MAF: variants seen among roughly 807,000 people sequenced by gnomAD.
MAF encodes the protein MAF bZIP transcription factor, also known as transcription factor Maf.
Under a neutral mutation model 22.0 loss-of-function variants are expected in MAF, and 10 were observed. That is an observed-to-expected ratio of 0.45 (90% CI 0.28 to 0.77). The LOEUF (loss-of-function observed/expected upper bound fraction) is 0.77. MAF is among the 30% of genes least tolerant of loss of function. The pLI is 0.12. For synonymous variants in MAF, 337 were observed against 255.8 expected (o/e 1.32, Z -3.03); for missense variants, 544 against 548.4 (o/e 0.99, Z 0.08).
the MAF span, among the ~76,000 whole-genome samples, chr16:79,329,168 A>G: frequency 1.3e-5 from 2 of 151,932 alleles, no homozygotes; most frequent in African/African-American, 2.4e-5. Flanking sequence ...ACCAGGGCAC[A>G]TTAGGTTAAA....
the MAF span, among the ~76,000 whole-genome samples, chr16:79,335,881 G>A: frequency 1.3e-5 from 2 of 152,188 alleles, no homozygotes; most frequent in Non-Finnish European, 1.5e-5. Context: ...CGGTGAGGTT[G>A]GACCTGCCAG....
the MAF span, among the ~76,000 whole-genome samples, chr16:79,552,258 G>A: frequency 0.031 from 4,657 of 151,784 alleles, 117 homozygotes; most frequent in Middle Eastern, 0.082. Context: ...GTGTCACCCA[G>A]ATTGGAGTGC....
the MAF span, among the ~76,000 whole-genome samples, chr16:79,299,534 A>G: frequency 5.9e-5 from 9 of 152,218 alleles, no homozygotes; most frequent in African/African-American, 1.9e-4. Context: ...GGGAAACTCA[A>G]TTGACGGTTA....
Position 79,600,459 on chromosome 16 carries a change from C to CG in MAF, c.-558_-557insC. On this transcript the variant is annotated 5_prime_UTR_variant, in exon 1 of 2. Transcript: ENST00000326043. ...GTTAACACTTCATGCTTCTCGCCTCCTCTTCTGCTTGGCTCTCTTTATTAT... is the reference window on the plus strand; with the variant it reads ...GTTAACACTTCATGCTTCTCGCCTCCGTCTTCTGCTTGGCTCTCTTTATTAT... The CG allele has an allele frequency of 5.1e-6, 1 of 196,410 alleles. No individual in the cohort carries two copies. The highest frequency in any genetic ancestry group is 1.2e-5 in the Non-Finnish European group (1 of 85,396). 12.2% of individuals were successfully genotyped at this position (196,410 alleles called of 1,614,324 possible). A position where few individuals can be genotyped will look rare whatever the true frequency, so the allele number is the denominator to read the frequency against.
the MAF span, among the ~76,000 whole-genome samples, chr16:79,278,511 C>G: frequency 6.6e-6 from 1 of 152,172 alleles, no homozygotes; most frequent in South Asian, 2.1e-4. Flanking sequence ...ACCTAAGAAC[C>G]ATTTTCTCTC....
the MAF span, among the ~76,000 whole-genome samples, chr16:79,305,647 G>A: frequency 2.0e-5 from 3 of 152,200 alleles, no homozygotes; most frequent in Non-Finnish European, 4.4e-5. Context: ...GATACAATTT[G>A]GGGGTCTGTG....
chr16:79,569,482 T>C, the MAF span, among the ~76,000 whole-genome samples: 10 of 152,336 alleles, frequency 6.6e-5, no homozygotes, highest in African/African-American at 2.4e-4. Context: ...AGGCAGAGGT[T>C]CTCAAGTGCT....
chr16:79,300,691 T>TC, the MAF span, among the ~76,000 whole-genome samples: 1 of 142,420 alleles, frequency 7.0e-6, no homozygotes, highest in Non-Finnish European at 1.5e-5. Context: ...ACAACCCATT[T>TC]CTTTTTTTTT....
At chr16:79,530,010 G>A in the MAF span, among the ~76,000 whole-genome samples, 776 of 152,156 alleles carry the variant, frequency 5.1e-3, 1 homozygote, top group South Asian at 0.012. Context: ...AGAGGATGAT[G>A]CAAGGTTTGT....
intron 1 of MAF, chr16:79,595,944 A>C: frequency 9.4e-7 from 1 of 1,061,176 alleles, no homozygotes; most frequent in South Asian, 4.6e-5. Context: ...AAACAAAACA[A>C]ACAACTATGA....
chr16:79,339,058 T>C, the MAF span, among the ~76,000 whole-genome samples: 1 of 151,910 alleles, frequency 6.6e-6, no homozygotes, highest in Admixed American at 6.5e-5. Flanking sequence ...TTTATTTTTA[T>C]TTTTTATTTT....
At chr16:79,317,317 T>C in the MAF span, among the ~76,000 whole-genome samples, 1 of 141,276 alleles carries the variant, frequency 7.1e-6, no homozygotes, top group African/African-American at 2.6e-5. Flanking sequence ...TCATCTCTCA[T>C]TCTTTTGTTT....
chr16:79,204,880 G>A, the MAF span: 1 of 152,184 alleles, frequency 6.6e-6, no homozygotes, highest in Non-Finnish European at 1.5e-5. Context: ...ATTTCACAGA[G>A]GAGTAAGAGC....
the MAF span, among the ~76,000 whole-genome samples, chr16:79,497,375 C>A: frequency 1.3e-5 from 2 of 152,180 alleles, no homozygotes; most frequent in Non-Finnish European, 2.9e-5. Flanking sequence ...ACTCTCCTCA[C>A]CCCACTCCAC....
At chr16:79,518,721 G>C in the MAF span, among the ~76,000 whole-genome samples, 1 of 152,138 alleles carries the variant, frequency 6.6e-6, no homozygotes, top group Non-Finnish European at 1.5e-5. Context: ...TTATACCTCA[G>C]GTCGGAAGTT....
At chr16:79,375,273 T>A in the MAF span, among the ~76,000 whole-genome samples, 1 of 152,182 alleles carries the variant, frequency 6.6e-6, no homozygotes, top group South Asian at 2.1e-4. Context: ...TCTGCCTACA[T>A]AAAAGGGTTC....
the MAF span, among the ~76,000 whole-genome samples, chr16:79,568,979 G>C: frequency 6.6e-6 from 1 of 152,192 alleles, no homozygotes. Flanking sequence ...CCTCATGCAA[G>C]TTTATGTCAC....
the MAF span, among the ~76,000 whole-genome samples, chr16:79,399,298 G>A: frequency 6.6e-6 from 1 of 152,208 alleles, no homozygotes; most frequent in Non-Finnish European, 1.5e-5. Flanking sequence ...AAGTGCTCAT[G>A]ACAAGACAAC....
the MAF span, among the ~76,000 whole-genome samples, chr16:79,456,508 C>G: frequency 2.0e-5 from 3 of 152,324 alleles, no homozygotes; most frequent in Middle Eastern, 3.4e-3. Flanking sequence ...TCAAGAAATG[C>G]TCACTACATT....
Sources: allele counts gnomAD v4.1 joint callset (sites outside exome capture counted in the v4.1 genomes callset), GRCh38; gene constraint gnomAD v4.1.1; transcripts MANE v1.5; gene names NCBI Gene and HGNC (gene_info 2026-07-23, HGNC 2026-07-21).